DCHS2: variants seen among roughly 807,000 people sequenced by gnomAD.
DCHS2 encodes the protein dachsous cadherin-related 2, also known as protocadherin-23.
In DCHS2, 142 loss-of-function variants were observed where a neutral mutation model predicts 182.4. The ratio of observed to expected loss-of-function variants is 0.78; its 90% confidence interval spans 0.68 to 0.89. The LOEUF (loss-of-function observed/expected upper bound fraction) is 0.89, where lower values mean the gene tolerates loss of function less well. DCHS2 is among the 40% of genes least tolerant of loss of function. The pLI is 0.00. For missense variants in DCHS2, 4,319 were observed against 4,198.6 expected, an observed-to-expected ratio of 1.03 and a Z score of -0.79; for synonymous variants, 1,740 against 1,663.3, an observed-to-expected ratio of 1.05 and a Z score of -1.12.
At chr4:154,456,072 AG>A (rs2110986741) in intron 1 of DCHS2, among the ~76,000 whole-genome samples, 1 of 152,078 alleles carries the variant, frequency 6.6e-6, no homozygotes, top group Non-Finnish European at 1.5e-5. Flanking sequence ...CCTGGGCAAC[AG>A]AGCAAGACTC....
rs1269491396 is a variant in DCHS2, at chr4:154,302,947, ACACACACACACACACACACACC to A, written c.5605+1700_5605+1721del. Among the ~76,000 whole-genome samples the A allele has an allele frequency of 5.3e-4, 32 of 60,618 alleles. 1 individual carries two copies. Among genetic ancestry groups the A allele is most frequent in the African/African-American group, 3.7e-3 (31 of 8,434 alleles). The allele number at this position is 60,618 out of a possible 152,430, so 39.8% of individuals were successfully genotyped here. On this transcript the variant is annotated intron_variant, in intron 12 of 19. Coordinates refer to ENST00000357232, the MANE Select transcript of DCHS2 (RefSeq NM_001358235.2). ...AATAGATATACGTATACACACACAC[ACACACACACACACACACACACC>A]CACACACACACATATTTTTTTTTTT...
chr4:154,270,592 G>A (rs1240521225), intron 13 of DCHS2, among the ~76,000 whole-genome samples: 3 of 151,912 alleles, frequency 2.0e-5, no homozygotes, highest in Non-Finnish European at 4.4e-5. Flanking sequence ...AGCATTTTAA[G>A]GAGTAGAGTA....
Position 154,437,083 on chromosome 4 carries a change from A to G in DCHS2, c.2052+52221T>C, listed in dbSNP as rs536259814. The stretch of plus-strand genomic sequence containing the variant: ...CGGACAGTGCTGATTTAGTTCCTGC[A>G]TTCAAGTTAGGCCTCCTTGGCTCCT... On this transcript the variant is annotated intron_variant, in intron 1 of 19. Coordinates refer to ENST00000357232, the MANE Select transcript of DCHS2 (RefSeq NM_001358235.2). Among the ~76,000 whole-genome samples the G allele has an allele frequency of 1.5e-3, 229 of 152,238 alleles. 1 individual carries two copies. Among genetic ancestry groups the G allele is most frequent in the African/African-American group, 4.6e-3 (193 of 41,550 alleles).
chr4:154,319,642 A>T (rs1462948686), intron 9 of DCHS2, among the ~76,000 whole-genome samples: 1 of 131,064 alleles, frequency 7.6e-6, no homozygotes, highest in Non-Finnish European at 1.6e-5. Flanking sequence ...TATACCTGTT[A>T]GGATGGCTGT....
intron 1 of DCHS2, among the ~76,000 whole-genome samples, chr4:154,446,168 A>G: frequency 6.6e-6 from 1 of 152,222 alleles, no homozygotes; most frequent in Admixed American, 6.5e-5. Flanking sequence ...CAGGAAATAG[A>G]TAAGACTTAA....
intron 9 of DCHS2, among the ~76,000 whole-genome samples, chr4:154,318,639 G>T (rs183309495): frequency 1.3e-4 from 20 of 152,118 alleles, no homozygotes; most frequent in African/African-American, 4.1e-4. Context: ...CAGGGATAAA[G>T]CTAGCTGAGG....
chr4:154,304,692 C>T lies in DCHS2; in HGVS notation c.5582G>A (p.Arg1861Lys), dbSNP rs775186575. 9.3e-6 allele frequency: 15 copies of T among 1,612,032 alleles called. No homozygotes were observed. The Admixed American group carries it at 2.5e-4, about 27-fold the overall frequency. ...LASDMDAGNN[R>K]AVEYHIIDGN... is the part of the protein sequence containing the mutation. Reference sequence around the variant, plus strand: ...ACCAATTATGTGATATTCAACAGCTCTGTTATTGCCAGCATCCATATCAGA... The same window carrying T: ...ACCAATTATGTGATATTCAACAGCTTTGTTATTGCCAGCATCCATATCAGA... The change falls in exon 12 of 20, where the codon AGA (arginine) becomes AAA (lysine). Residue 1861 changes from arginine (R) to lysine (K), a missense_variant. Coordinates refer to ENST00000357232, the MANE Select transcript of DCHS2 (RefSeq NM_001358235.2).
intron 1 of DCHS2, among the ~76,000 whole-genome samples, chr4:154,460,587 G>A (rs1333387345): frequency 6.6e-6 from 1 of 152,164 alleles, no homozygotes; most frequent in Admixed American, 6.5e-5. Flanking sequence ...ACTAGGACTG[G>A]AAAGGGCTCT....
chr4:154,259,154 A>G (rs906918193), intron 15 of DCHS2, among the ~76,000 whole-genome samples: 2 of 152,118 alleles, frequency 1.3e-5, no homozygotes, highest in African/African-American at 4.8e-5. Flanking sequence ...CACCTTGAAG[A>G]CTTAGTGTAA....
chr4:154,445,808 C>CAAAAAA lies in DCHS2; in HGVS notation c.2052+43490_2052+43495dup, dbSNP rs11335225. ...CCTGAGTGATAGAGCAAGACACTGT[C>CAAAAAA]AAAAAAAAAAAAAAAAACGAAAGAA... On this transcript the variant is annotated intron_variant, in intron 1 of 19. Coordinates refer to ENST00000357232, the MANE Select transcript of DCHS2 (RefSeq NM_001358235.2). Among the ~76,000 whole-genome samples the CAAAAAA allele has an allele frequency of 1.9e-3, 214 of 110,802 alleles. 1 individual carries two copies. Among genetic ancestry groups the CAAAAAA allele is most frequent in the African/African-American group, 6.7e-3 (200 of 29,966 alleles). The allele number at this position is 110,802 out of a possible 152,430, so 72.7% of individuals were successfully genotyped here. A position where few individuals can be genotyped will look rare whatever the true frequency, so the allele number is the denominator to read the frequency against.
chr4:154,414,421 G>T (rs561683576), intron 1 of DCHS2, among the ~76,000 whole-genome samples: 1 of 147,904 alleles, frequency 6.8e-6, no homozygotes, highest in Non-Finnish European at 1.5e-5. Flanking sequence ...ATTAAAGGAA[G>T]CAAAGCAGAA....
At chr4:154,471,974 A>G (rs1735489140) in intron 1 of DCHS2, among the ~76,000 whole-genome samples, 1 of 152,192 alleles carries the variant, frequency 6.6e-6, no homozygotes, top group African/African-American at 2.4e-5. Flanking sequence ...TAAGGATTCT[A>G]CTACACTACT....
At position 154,335,065 on chromosome 4, in the gene DCHS2, G is replaced by T. The variant is rs184875719; in HGVS notation, c.2516C>A (p.Ser839Tyr). 1 of 1,613,190 alleles carries T rather than the reference G, an allele frequency of 6.2e-7. No individual in the cohort carries two copies. Among genetic ancestry groups the T allele is most frequent in the Admixed American group, 1.7e-5 (1 of 60,026 alleles). ...YLTLPLSHLE[S>Y]TTLSLMVSAQ... ...AGAGACCATCAACGAAAGTGTGGTA[G>T]ATTCCAAATGACTAAGAGGTAATGT... Residue 839 changes from serine to tyrosine, a missense_variant, in exon 4 of 20, where the codon TCT (serine) becomes TAT (tyrosine). Ser to Tyr is a moderately radical substitution (Grantham distance 144, BLOSUM62 -2). Coordinates refer to ENST00000357232, the MANE Select transcript of DCHS2 (RefSeq NM_001358235.2).
At chr4:154,409,585 T>C (rs1220710435) in intron 1 of DCHS2, among the ~76,000 whole-genome samples, 2 of 151,984 alleles carry the variant, frequency 1.3e-5, no homozygotes, top group African/African-American at 4.8e-5. Context: ...GTAATCTTCA[T>C]CCAAACATGC....
intron 1 of DCHS2, among the ~76,000 whole-genome samples, chr4:154,466,901 C>T (rs1735263985): frequency 1.3e-5 from 2 of 152,062 alleles, no homozygotes; most frequent in African/African-American, 4.8e-5. Context: ...TTTTAGCTTC[C>T]TTTACTGGCA....
chr4:154,484,002 C>T (rs569151674), intron 1 of DCHS2, among the ~76,000 whole-genome samples: 1 of 152,304 alleles, frequency 6.6e-6, no homozygotes, highest in East Asian at 1.9e-4. Context: ...TCCTATACTA[C>T]TGGCCGTTAA....
In DCHS2 at chr4:154,242,699, C is replaced by G; in HGVS notation, c.7015G>C (p.Asp2339His). The change falls in exon 17 of 20, where the codon GAT (aspartate) becomes CAT (histidine). Residue 2339 changes from aspartate to histidine, a missense_variant. By Grantham distance (81) the Asp-to-His change is moderately conservative (BLOSUM62 -1). Transcript: ENST00000357232. ...NTTVIKVQVT[D>H]INDNAPAFLP... ...AAAGCTGGGGCATTGTCATTTATATCAGTCACCTGTACCTTGATTACAGTC... is the reference window on the plus strand; with the variant it reads ...AAAGCTGGGGCATTGTCATTTATATGAGTCACCTGTACCTTGATTACAGTC... 6.2e-7 allele frequency: 1 copy of G among 1,613,168 alleles called. No individual in the cohort carries two copies. The highest frequency in any genetic ancestry group is 8.5e-7 in the Non-Finnish European group (1 of 1,179,432).
rs1731227591 is a variant in DCHS2 at position 154,232,095 on chromosome 4, T to C, written c.*2441A>G. On this transcript the variant is annotated 3_prime_UTR_variant, in exon 20 of 20. Transcript: ENST00000357232. ...CTTATGAATTTGGGGCTTAATATGA[T>C]TTTCCACTAACAAGTTCTGTACCCC... is the stretch of plus-strand genomic sequence containing the variant. 6.6e-6 allele frequency: 1 copy of C among 152,108 alleles called. No homozygotes were observed. The highest frequency in any genetic ancestry group is 1.5e-5 in the Non-Finnish European group (1 of 67,988). The allele number at this position is 152,108 out of a possible 1,614,324, so 9.4% of individuals were successfully genotyped here. A position where few individuals can be genotyped will look rare whatever the true frequency, so the allele number is the denominator to read the frequency against.
In DCHS2 at chr4:154,489,164, C is replaced by A. The variant is rs546784812; in HGVS notation, c.2052+140G>T. 34 of 719,454 alleles carry A rather than the reference C, an allele frequency of 4.7e-5. No individual in the cohort carries two copies. The South Asian group carries it at 8.3e-4, about 18-fold the overall frequency. The allele number at this position is 719,454 out of a possible 1,614,324, so 44.6% of individuals were successfully genotyped here. On this transcript the variant is annotated intron_variant, in intron 1 of 19. Coordinates refer to ENST00000357232, the MANE Select transcript of DCHS2 (RefSeq NM_001358235.2). The stretch of plus-strand genomic sequence containing the variant: ...TGACTAGAGGGCATCATTCATCTCA[C>A]TGTAGAGGGGGCACTACCGCCAGTC...
Sources: allele counts gnomAD v4.1 joint callset (sites outside exome capture counted in the v4.1 genomes callset), GRCh38; gene constraint gnomAD v4.1.1; transcripts MANE v1.5; gene names NCBI Gene and HGNC (gene_info 2026-07-23, HGNC 2026-07-21).